The following AOPEP variants were observed in gnomAD, a reference collection of about 807,000 sequenced individuals.
The protein encoded by AOPEP is aminopeptidase O (putative).
In AOPEP, 77 loss-of-function variants were observed where a neutral mutation model predicts 98.1. The observed-to-expected ratio is 0.78, with a 90% CI of 0.65 to 0.95. The LOEUF (loss-of-function observed/expected upper bound fraction) is 0.95, where lower values mean the gene tolerates loss of function less well. Ranked by LOEUF, AOPEP falls within the 40% of genes least tolerant of loss-of-function variation. The pLI, the probability that AOPEP is intolerant of heterozygous loss-of-function variation, is 0.00. For synonymous variants in AOPEP, 346 were observed against 365.3 expected (o/e 0.95, Z 0.60); for missense variants, 1,024 against 1,024.7 (o/e 1.00, Z 0.01).
chr9:95,096,567 C>A, the AOPEP span, among the ~76,000 whole-genome samples: 11 of 152,320 alleles, frequency 7.2e-5, no homozygotes, highest in South Asian at 2.1e-3. Context: ...TGTGGTCCCT[C>A]TGCCTAGAGA....
chr9:94,839,369 G>A (rs1042904069), intron 5 of AOPEP, among the ~76,000 whole-genome samples: 5 of 151,914 alleles, frequency 3.3e-5, no homozygotes, highest in African/African-American at 9.7e-5. Context: ...GATTATAGGC[G>A]TGAGCCAACC....
intron 13 of AOPEP, among the ~76,000 whole-genome samples, chr9:95,059,881 TACAGGGCCGATCTC>T (rs1272339662): frequency 1.3e-5 from 2 of 152,216 alleles, no homozygotes; most frequent in Non-Finnish European, 2.9e-5. Context: ...TCCAGTGCAC[TACAGGGCCGATCTC>T]ACAGGGCCAC....
intron 5 of AOPEP, among the ~76,000 whole-genome samples, chr9:94,825,018 T>C (rs1421453169): frequency 1.3e-5 from 2 of 152,160 alleles, no homozygotes; most frequent in East Asian, 3.9e-4. Context: ...ATTTTTGCCC[T>C]GGCGTTTCCC....
chr9:94,926,166 C>T (rs926787155), intron 6 of AOPEP, among the ~76,000 whole-genome samples: 24 of 152,208 alleles, frequency 1.6e-4, no homozygotes, highest in Non-Finnish European at 3.5e-4. Flanking sequence ...AAGAGTGCTC[C>T]TCCTTACCCT....
intron 7 of AOPEP, among the ~76,000 whole-genome samples, chr9:94,931,284 T>C (rs72750309): frequency 0.012 from 1,813 of 152,230 alleles, 30 homozygotes; most frequent in East Asian, 0.044. Context: ...TACTAGACAG[T>C]TTTTTATGGC....
chr9:95,089,838 T>C (rs947763659), downstream of AOPEP, among the ~76,000 whole-genome samples: 6 of 152,170 alleles, frequency 3.9e-5, no homozygotes, highest in Admixed American at 6.5e-5. Context: ...TGTGAAGATA[T>C]TAGCTCCCCC....
At chr9:95,048,443 G>A (rs1464576882) in intron 13 of AOPEP, among the ~76,000 whole-genome samples, 1 of 151,938 alleles carries the variant, frequency 6.6e-6, no homozygotes, top group Non-Finnish European at 1.5e-5. Flanking sequence ...GGGCGGGGCG[G>A]GGTGAGGCGG....
At chr9:94,874,565 G>A (rs1462446686) in intron 5 of AOPEP, among the ~76,000 whole-genome samples, 2 of 151,980 alleles carry the variant, frequency 1.3e-5, no homozygotes, top group African/African-American at 4.8e-5. Flanking sequence ...TAAGGTATGC[G>A]GATGCTTTTT....
the AOPEP span, among the ~76,000 whole-genome samples, chr9:95,104,269 A>T: frequency 6.6e-6 from 1 of 152,224 alleles, no homozygotes; most frequent in Non-Finnish European, 1.5e-5. Flanking sequence ...AACATCCGAA[A>T]GGACAGCCCC....
chr9:95,104,626 G>A, the AOPEP span, among the ~76,000 whole-genome samples: 8 of 152,186 alleles, frequency 5.3e-5, no homozygotes, highest in Non-Finnish European at 5.9e-5. Flanking sequence ...AGTTTCCTCC[G>A]AGTAGATGGA....
intron 9 of AOPEP, among the ~76,000 whole-genome samples, chr9:94,966,197 C>T: frequency 6.6e-6 from 1 of 151,144 alleles, no homozygotes; most frequent in Non-Finnish European, 1.5e-5. Context: ...TATTTGCAGA[C>T]TTGGTTCTAT....
At position 95,038,277 on chromosome 9, in the gene AOPEP, A is replaced by C. The variant is rs141149056; in HGVS notation, c.2116-22417A>C. Among the ~76,000 whole-genome samples, 547 of 152,378 alleles carry C rather than the reference A, an allele frequency of 3.6e-3. 4 individuals carry two copies. Among genetic ancestry groups the C allele is most frequent in the African/African-American group, 0.012 (514 of 41,586 alleles). On this transcript the variant is annotated intron_variant, in intron 13 of 16. Transcript: ENST00000375315. ...AACTTGAATGACAGGGTAGATAGGA[A>C]TGAGCCCAGCCCAGACTGTAGGTGA...
chr9:95,135,355 A>G, the AOPEP span: 1 of 1,614,022 alleles, frequency 6.2e-7, no homozygotes, highest in Non-Finnish European at 8.5e-7. Flanking sequence ...CCAGCGATGA[A>G]TCTTTTATAA....
intron 10 of AOPEP, 113 bp from the exon 11 acceptor site, chr9:94,979,254 G>A (rs571712823): frequency 4.5e-5 from 30 of 673,612 alleles, no homozygotes; most frequent in African/African-American, 1.1e-4. Context: ...TGTAAAGCAC[G>A]GGCACTTCTG....
chr9:94,856,641 TAAAAAAA>T (rs35234682), intron 5 of AOPEP, among the ~76,000 whole-genome samples: 33 of 128,562 alleles, frequency 2.6e-4, no homozygotes, highest in South Asian at 9.6e-4. Flanking sequence ...AACTCCGTCT[TAAAAAAA>T]AAAAAAAAAA....
chr9:94,873,550 A>G (rs2135683851), intron 5 of AOPEP, among the ~76,000 whole-genome samples: 1 of 152,318 alleles, frequency 6.6e-6, no homozygotes, highest in East Asian at 1.9e-4. Context: ...AGATTCAAAG[A>G]AGAGACAGAA....
intron 5 of AOPEP, among the ~76,000 whole-genome samples, chr9:94,889,825 A>G (rs1051896544): frequency 3.3e-5 from 5 of 152,204 alleles, no homozygotes; most frequent in African/African-American, 1.2e-4. Flanking sequence ...GTCTTTCCAC[A>G]TCGTCACCAT....
intron 14 of AOPEP, among the ~76,000 whole-genome samples, chr9:95,074,038 C>T (rs953078107): frequency 6.6e-6 from 1 of 152,190 alleles, no homozygotes; most frequent in African/African-American, 2.4e-5. Flanking sequence ...CTGCCCCGCA[C>T]CATTTCCCAG....
At chr9:94,795,830 A>G (rs984878449) in intron 4 of AOPEP, among the ~76,000 whole-genome samples, 2 of 152,214 alleles carry the variant, frequency 1.3e-5, no homozygotes, top group South Asian at 2.1e-4. Flanking sequence ...GGGAAGAAGC[A>G]AGTACAACTC....
Sources: gnomAD v4.1 joint callset for allele counts (sites outside exome capture counted in the v4.1 genomes callset) on GRCh38, gnomAD v4.1.1 for gene constraint, MANE v1.5 for transcripts, NCBI Gene and HGNC (gene_info 2026-07-23, HGNC 2026-07-21) for gene names.